The following DPF2 variants were observed in gnomAD, a reference collection of about 807,000 sequenced individuals.
DPF2 encodes the protein zinc finger protein ubi-d4.
In DPF2, 10 loss-of-function variants were observed where a neutral mutation model predicts 59.6. The observed-to-expected ratio is 0.17, with a 90% CI of 0.10 to 0.28. The LOEUF (loss-of-function observed/expected upper bound fraction) is 0.28, where lower values mean the gene tolerates loss of function less well. Among genes scored for constraint, DPF2 ranks in the 10% least tolerant of loss-of-function variants. The pLI, the probability that DPF2 is intolerant of heterozygous loss-of-function variation, is 1.00. For missense variants in DPF2, 315 were observed against 509.4 expected (o/e 0.62, Z 3.67); for synonymous variants, 189 against 190.6 (o/e 0.99, Z 0.07).
chr11:65,352,172 C>T lies in DPF2; in HGVS notation c.*413C>T, dbSNP rs1854718247. The T allele has an allele frequency of 1.0e-5, 2 of 200,562 alleles. No homozygotes were observed. Among genetic ancestry groups the T allele is most frequent in the South Asian group, 1.8e-4 (2 of 10,898 alleles). The allele number at this position is 200,562 out of a possible 1,614,324, so 12.4% of individuals were successfully genotyped here. On this transcript the variant is annotated 3_prime_UTR_variant, in exon 11 of 11. Transcript: ENST00000528416. ...CCTGTCCTCTAGAGGCAAGCCAGGC[C>T]AGGGAGCTGGGAGCGAGCAAGCTGA...
intron 1 of DPF2, among the ~76,000 whole-genome samples, chr11:65,335,950 A>T (rs1282542402): frequency 6.6e-6 from 1 of 151,868 alleles, no homozygotes; most frequent in East Asian, 2.0e-4. Context: ...GGTAGCTGAG[A>T]TTACAGGTGC....
chr11:65,335,341 C>T (rs1950081768), intron 1 of DPF2, among the ~76,000 whole-genome samples: 1 of 152,150 alleles, frequency 6.6e-6, no homozygotes, highest in Admixed American at 6.6e-5. Flanking sequence ...ATGTTTTACA[C>T]AGGTTTCTCC....
rs910580183 is a variant in DPF2, at chr11:65,353,959, C to G, written c.*2200C>G. On this transcript the variant is annotated 3_prime_UTR_variant, in exon 11 of 11. Transcript: ENST00000528416. ...AATGTGGAAAATAAGAACGCTGTAG[C>G]AGGCCTAGGTGAGGAAATTTAGGAA... Among the ~76,000 whole-genome samples the G allele has an allele frequency of 2.6e-5, 4 of 152,172 alleles. No homozygotes were observed. Among genetic ancestry groups the G allele is most frequent in the Non-Finnish European group, 4.4e-5 (3 of 68,028 alleles).
In DPF2 at chr11:65,337,482, T is replaced by A. The variant is rs1440263542; in HGVS notation, c.33-2903T>A. On this transcript the variant is annotated intron_variant, in intron 1 of 10. Transcript: ENST00000528416. ...AAAAAAAAAAAAAAAAAAATATATA[T>A]ATATATATATATATATATATATAGA... Among the ~76,000 whole-genome samples, 214 of 36,812 alleles carry A rather than the reference T, an allele frequency of 5.8e-3. 5 individuals are homozygous for A. Among genetic ancestry groups the A allele is most frequent in the African/African-American group, 0.017 (148 of 8,744 alleles). 24.2% of individuals were successfully genotyped at this position (36,812 alleles called of 152,430 possible).
intron 10 of DPF2, among the ~76,000 whole-genome samples, 197 bp from the exon 11 acceptor site, chr11:65,351,485 GA>G (rs1854695885): frequency 6.6e-6 from 1 of 152,216 alleles, no homozygotes; most frequent in African/African-American, 2.4e-5. Context: ...CATCTCCATA[GA>G]GGATGATATT....
At chr11:65,336,133 AT>A (rs1046944329) in intron 1 of DPF2, among the ~76,000 whole-genome samples, 1 of 151,978 alleles carries the variant, frequency 6.6e-6, no homozygotes, top group African/African-American at 2.4e-5. Flanking sequence ...TATGACTTGC[AT>A]CTTGTCCTGG....
intron 9 of DPF2, 109 bp from the exon 10 acceptor site, chr11:65,348,741 C>T (rs925643760): frequency 9.9e-7 from 1 of 1,010,334 alleles, no homozygotes; most frequent in African/African-American, 1.6e-5. Flanking sequence ...AAGATTCTCA[C>T]ATCTGTTCTT....
At chr11:65,341,727 G>T in intron 4 of DPF2, 165 bp downstream of exon 4, 1 of 887,662 alleles carries the variant, frequency 1.1e-6, no homozygotes. Context: ...GTACTGACTG[G>T]CTTCTCTGTT....
intron 1 of DPF2, among the ~76,000 whole-genome samples, chr11:65,337,492 T>TAGAGAG (rs1854213357): frequency 1.5e-5 from 1 of 67,420 alleles, no homozygotes; most frequent in Non-Finnish European, 2.8e-5. Context: ...TATATATATA[T>TAGAGAG]ATATATATAT....
intron 1 of DPF2, among the ~76,000 whole-genome samples, chr11:65,337,054 C>T (rs1166682649): frequency 2.0e-5 from 3 of 152,128 alleles, no homozygotes; most frequent in African/African-American, 4.8e-5. Flanking sequence ...GGCGACAGAG[C>T]GAGACTCCGT....
At chr11:65,348,820 C>T in intron 9 of DPF2, 30 bp from the exon 10 acceptor site, 1 of 1,612,086 alleles carries the variant, frequency 6.2e-7, no homozygotes. Context: ...GTTATTCAGT[C>T]CCCATCCTCT....
chr11:65,335,192 C>CT (rs1191223567), intron 1 of DPF2, among the ~76,000 whole-genome samples: 3 of 151,810 alleles, frequency 2.0e-5, no homozygotes, highest in Admixed American at 6.6e-5. Context: ...TTCCCCAGCT[C>CT]TTTCTTCAGG....
chr11:65,343,499 G>T lies in DPF2; in HGVS notation c.466-246G>T, dbSNP rs552441279. On this transcript the variant is annotated intron_variant, in intron 4 of 10. Transcript: ENST00000528416. Reference sequence around the variant, plus strand: ...GAAGCATGCTATTTGATTTGGCCATGTGGCATGGTGGGGAAAGCATTTCAG... The same window carrying T: ...GAAGCATGCTATTTGATTTGGCCATTTGGCATGGTGGGGAAAGCATTTCAG... 51 of 525,176 alleles carry T rather than the reference G, an allele frequency of 9.7e-5. No homozygotes were observed. The South Asian group carries it at 1.1e-3, about 11-fold the overall frequency. 32.5% of individuals were successfully genotyped at this position (525,176 alleles called of 1,614,324 possible). A position where few individuals can be genotyped will look rare whatever the true frequency, so the allele number is the denominator to read the frequency against.
In DPF2 at chr11:65,341,064, A is replaced by C; in HGVS notation, c.292A>C (p.Ile98Leu). ...PEDPRLSFPS[I>L]KPDTDQTLKK... ...GGATCCACGACTTTCCTTCCCATCT[A>C]TTAAGCCAGGTAAGGCACATACTTC... Residue 98 changes from isoleucine (I) to leucine (L), a missense_variant, in exon 3 of 11, where the codon ATT becomes CTT. Ile to Leu is a conservative substitution (Grantham distance 5). Coordinates refer to ENST00000528416, the MANE Select transcript of DPF2 (RefSeq NM_006268.5). 8 of 1,614,026 alleles carry C rather than the reference A, an allele frequency of 5.0e-6. No individual in the cohort carries two copies. The highest frequency in any genetic ancestry group is 6.8e-6 in the Non-Finnish European group (8 of 1,180,022).
intron 3 of DPF2, 84 bp downstream of exon 3, chr11:65,341,157 C>A (rs1854358814): frequency 2.1e-6 from 3 of 1,431,152 alleles, no homozygotes; most frequent in Non-Finnish European, 2.9e-6. Context: ...AGGCCCAGTA[C>A]TAGATCCCAA....
At chr11:65,337,472 A>AAAAAAAAT (rs1854204974) in intron 1 of DPF2, among the ~76,000 whole-genome samples, 1 of 50,724 alleles carries the variant, frequency 2.0e-5, no homozygotes, top group Non-Finnish European at 3.6e-5. Flanking sequence ...AAAAAAAAAA[A>AAAAAAAAT]AAATATATAT....
At chr11:65,349,801 A>T (rs1435676514) in intron 10 of DPF2, among the ~76,000 whole-genome samples, 1 of 147,990 alleles carries the variant, frequency 6.8e-6, no homozygotes, top group Non-Finnish European at 1.5e-5. Flanking sequence ...ATCTCAAAGA[A>T]AAAAAAAAAA....
Position 65,345,886 on chromosome 11 carries a change from T to C in DPF2, c.776-44T>C, listed in dbSNP as rs748726296. 4.3e-6 allele frequency: 7 copies of C among 1,613,340 alleles called. No individual in the cohort carries two copies. The Admixed American group carries it at 1.2e-4, about 27-fold the overall frequency. On this transcript the variant is annotated intron_variant, in intron 7 of 10. Coordinates refer to ENST00000528416, the MANE Select transcript of DPF2 (RefSeq NM_006268.5). ...ACTCCTTGCATGGGTGTTGAGTGGC[T>C]CAGGGACCCCCATGGGTGTCATCAA...
chr11:65,336,402 G>C (rs985483246), intron 1 of DPF2, among the ~76,000 whole-genome samples: 3 of 152,008 alleles, frequency 2.0e-5, no homozygotes, highest in African/African-American at 7.2e-5. Context: ...TGAGGCACAA[G>C]AATCGCCTGA....
Sources: gnomAD v4.1 joint callset for allele counts (sites outside exome capture counted in the v4.1 genomes callset) on GRCh38, gnomAD v4.1.1 for gene constraint, MANE v1.5 for transcripts, NCBI Gene and HGNC (gene_info 2026-07-23, HGNC 2026-07-21) for gene names.